Variants in CNTN5 observed in about 807,000 individuals in gnomAD.
The protein encoded by CNTN5 is contactin-5.
Under a neutral mutation model 129.1 loss-of-function variants are expected in CNTN5, and 77 were observed. That is an observed-to-expected ratio of 0.60 (90% CI 0.50 to 0.72). The LOEUF (loss-of-function observed/expected upper bound fraction) is 0.72, where lower values mean the gene tolerates loss of function less well. Among genes scored for constraint, CNTN5 ranks in the 30% least tolerant of loss-of-function variants. The pLI is 0.00. For synonymous variants in CNTN5, 509 were observed against 465.6 expected (o/e 1.09, Z -1.20); for missense variants, 1,478 against 1,328.8 (o/e 1.11, Z -1.75).
intron 2 of CNTN5, among the ~76,000 whole-genome samples, chr11:99,473,500 T>C (rs2135283110): frequency 6.6e-6 from 1 of 152,250 alleles, no homozygotes; most frequent in Middle Eastern, 3.4e-3. Flanking sequence ...AAATATAGTG[T>C]ATGTTTAAAT....
At chr11:100,347,631 T>C (rs1952313701) in intron 23 of CNTN5, among the ~76,000 whole-genome samples, 1 of 151,944 alleles carries the variant, frequency 6.6e-6, no homozygotes, top group Admixed American at 6.6e-5. Context: ...CAAAAAGAAA[T>C]CTTGTTGTTA....
intron 18 of CNTN5, among the ~76,000 whole-genome samples, chr11:100,287,750 C>T (rs1365195954): frequency 6.6e-6 from 1 of 152,142 alleles, no homozygotes; most frequent in Non-Finnish European, 1.5e-5. Context: ...CAAATTCACA[C>T]ATAACAATAT....
chr11:99,994,516 A>G (rs4258342), intron 8 of CNTN5, among the ~76,000 whole-genome samples: 57,410 of 151,924 alleles, frequency 0.38, 12,351 homozygotes, highest in African/African-American at 0.59. Flanking sequence ...TCCAAATTTG[A>G]CCTTCCACTC....
At chr11:99,822,998 GC>G (rs1946848279) in intron 4 of CNTN5, among the ~76,000 whole-genome samples, 1 of 152,192 alleles carries the variant, frequency 6.6e-6, no homozygotes, top group Non-Finnish European at 1.5e-5. Context: ...CTGGCCAACA[GC>G]CCAAGAGTAA....
At chr11:100,050,133 C>T (rs911886762) in intron 9 of CNTN5, among the ~76,000 whole-genome samples, 2 of 152,016 alleles carry the variant, frequency 1.3e-5, no homozygotes, top group African/African-American at 4.8e-5. Flanking sequence ...GGCTATATAC[C>T]CAAAGGACTA....
chr11:99,508,742 C>T (rs1179591469), intron 2 of CNTN5, among the ~76,000 whole-genome samples: 1 of 150,546 alleles, frequency 6.6e-6, no homozygotes, highest in Admixed American at 6.7e-5. Flanking sequence ...TGCGGTGTGG[C>T]GCGATCTCGG....
At chr11:99,076,365 A>G (rs985457302) in intron 1 of CNTN5, among the ~76,000 whole-genome samples, 1 of 152,022 alleles carries the variant, frequency 6.6e-6, no homozygotes, top group Non-Finnish European at 1.5e-5. Flanking sequence ...AAAAAAAAGT[A>G]CTTTACTTTT....
chr11:99,905,511 G>C (rs1283917605), intron 6 of CNTN5, among the ~76,000 whole-genome samples: 1 of 152,038 alleles, frequency 6.6e-6, no homozygotes, highest in Non-Finnish European at 1.5e-5. Flanking sequence ...ATCCGTTTTG[G>C]TACCAGTACC....
At chr11:99,491,301 A>G (rs1343844448) in intron 2 of CNTN5, among the ~76,000 whole-genome samples, 1 of 151,906 alleles carries the variant, frequency 6.6e-6, no homozygotes, top group Non-Finnish European at 1.5e-5. Flanking sequence ...CCTTATTCCT[A>G]TTTTCTTGTC....
At chr11:100,255,616 C>A (rs1212366773) in intron 16 of CNTN5, 144 bp from the exon 17 acceptor site, 4 of 675,178 alleles carry the variant, frequency 5.9e-6, no homozygotes, top group Non-Finnish European at 9.1e-6. Context: ...GCATCCATGA[C>A]TTTTTGTTGT....
chr11:99,557,541 G>A (rs1948712582), intron 3 of CNTN5, among the ~76,000 whole-genome samples: 1 of 151,190 alleles, frequency 6.6e-6, no homozygotes, highest in African/African-American at 2.4e-5. Context: ...AAAGAAAAAA[G>A]GACTGATAGA....
intron 8 of CNTN5, among the ~76,000 whole-genome samples, chr11:99,993,392 AG>A (rs1939245426): frequency 1.3e-5 from 2 of 152,162 alleles, no homozygotes; most frequent in South Asian, 4.1e-4. Context: ...TAAAAGAAGA[AG>A]GGTAAATTAT....
At chr11:99,612,583 T>C (rs558187192) in intron 3 of CNTN5, among the ~76,000 whole-genome samples, 7 of 152,286 alleles carry the variant, frequency 4.6e-5, no homozygotes, top group Non-Finnish European at 1.0e-4. Context: ...TCTGGAGGAT[T>C]CTAAGTCTTT....
intron 2 of CNTN5, among the ~76,000 whole-genome samples, chr11:99,388,476 G>C (rs10893278): frequency 0.23 from 33,854 of 149,450 alleles, 3,897 homozygotes; most frequent in South Asian, 0.33. Flanking sequence ...CACTTTGTAC[G>C]CTTGTAAACT....
intron 1 of CNTN5, among the ~76,000 whole-genome samples, chr11:99,174,603 A>G (rs1857686489): frequency 6.6e-6 from 1 of 152,166 alleles, no homozygotes; most frequent in African/African-American, 2.4e-5. Context: ...CATATTGGCA[A>G]CAGTGTAGAA....
intron 3 of CNTN5, among the ~76,000 whole-genome samples, chr11:99,624,044 G>C (rs1260489273): frequency 1.3e-5 from 2 of 152,090 alleles, no homozygotes; most frequent in Non-Finnish European, 2.9e-5. Flanking sequence ...CTAAAGAAAA[G>C]TTAACAGGGA....
At chr11:99,773,097 A>G (rs1012245753) in intron 3 of CNTN5, among the ~76,000 whole-genome samples, 1 of 152,102 alleles carries the variant, frequency 6.6e-6, no homozygotes, top group African/African-American at 2.4e-5. Flanking sequence ...TCAGTATTCA[A>G]AAAGACCCTC....
At chr11:99,556,367 T>A in intron 3 of CNTN5, 98 bp downstream of exon 3, 1 of 681,416 alleles carries the variant, frequency 1.5e-6, no homozygotes, top group Non-Finnish European at 2.4e-6. Flanking sequence ...GGTATTAATT[T>A]AAATTTATAT....
At chr11:99,907,402 G>A (rs1440892447) in intron 6 of CNTN5, among the ~76,000 whole-genome samples, 1 of 151,958 alleles carries the variant, frequency 6.6e-6, no homozygotes, top group Admixed American at 6.6e-5. Flanking sequence ...GGAGGTTGGG[G>A]TGGGTATTTT....
Sources: gnomAD v4.1 joint callset for allele counts (sites outside exome capture counted in the v4.1 genomes callset) on GRCh38, gnomAD v4.1.1 for gene constraint, MANE v1.5 for transcripts, NCBI Gene and HGNC (gene_info 2026-07-23, HGNC 2026-07-21) for gene names.